Variants in POF1B observed in about 807,000 individuals in gnomAD.
POF1B encodes POF1B actin binding protein.
POF1B carries 53 observed loss-of-function variants against 55.3 expected under a neutral mutation model. That is an observed-to-expected ratio of 0.96 (90% CI 0.77 to 1.20). The LOEUF (loss-of-function observed/expected upper bound fraction) is 1.20. Among genes scored for constraint, POF1B ranks in the 50% most tolerant of loss-of-function variants. The pLI is 0.00. For synonymous variants in POF1B, 188 were observed against 148.3 expected (o/e 1.27, Z -1.95); for missense variants, 478 against 420.5 (o/e 1.14, Z -1.20).
At chrX:85,370,041 A>G (rs776776909) in intron 2 of POF1B, among the ~76,000 whole-genome samples, 2 of 112,259 alleles carry the variant, frequency 1.8e-5, no homozygotes, top group African/African-American at 6.5e-5. Flanking sequence ...GAAACATAGC[A>G]AATCTTACTA....
intron 9 of POF1B, among the ~76,000 whole-genome samples, chrX:85,308,764 G>GC (rs1427068856): frequency 1.7e-4 from 19 of 111,091 alleles, no homozygotes; most frequent in Non-Finnish European, 3.6e-4. Context: ...TGCAATCTCT[G>GC]CCCCCTGGGT....
At chrX:85,301,226 A>G (rs912226959) in intron 15 of POF1B, among the ~76,000 whole-genome samples, 1 of 111,829 alleles carries the variant, frequency 8.9e-6, no homozygotes, top group Non-Finnish European at 1.9e-5. Context: ...GTCAAGGGCC[A>G]TAGAAAAAAA....
At chrX:85,360,394 A>G (rs1252152195) in intron 3 of POF1B, among the ~76,000 whole-genome samples, 3 of 105,456 alleles carry the variant, frequency 2.8e-5, no homozygotes, top group Non-Finnish European at 5.8e-5. Context: ...CCCACTTATA[A>G]GTGAGAACAT....
At chrX:85,322,435 A>G (rs189703118) in intron 7 of POF1B, among the ~76,000 whole-genome samples, 154 of 111,821 alleles carry the variant, frequency 1.4e-3, no homozygotes, top group East Asian at 3.4e-3. Flanking sequence ...TCTTATACAA[A>G]AATTAATTCA....
chrX:85,340,619 G>A (rs1933153510), intron 6 of POF1B, among the ~76,000 whole-genome samples: 1 of 111,083 alleles, frequency 9.0e-6, no homozygotes, highest in Admixed American at 9.6e-5. Context: ...GTGGGAAAGG[G>A]TACTGATGTG....
intron 15 of POF1B, among the ~76,000 whole-genome samples, chrX:85,283,882 G>A (rs1931969716): frequency 9.0e-6 from 1 of 111,314 alleles, no homozygotes; most frequent in Non-Finnish European, 1.9e-5. Flanking sequence ...TCAGAAGACA[G>A]AAGAGCAATA....
intron 3 of POF1B, among the ~76,000 whole-genome samples, chrX:85,362,060 T>G (rs1390334885): frequency 9.1e-6 from 1 of 110,023 alleles, no homozygotes; most frequent in Non-Finnish European, 1.9e-5. Context: ...GTTGTCCGTG[T>G]ATAAGAATGT....
chrX:85,314,447 T>C lies in POF1B; in HGVS notation c.942A>G (p.Ile314Met), dbSNP rs774148186. 1 of 1,198,999 alleles carries C rather than the reference T, an allele frequency of 8.3e-7. No homozygotes were observed. Among genetic ancestry groups the C allele is most frequent in the Non-Finnish European group, 1.1e-6 (1 of 889,070 alleles). Residue 314 changes from isoleucine (I) to methionine (M), a missense_variant, in exon 9 of 17, where the codon ATA becomes ATG. By Grantham distance (10) the Ile-to-Met change is conservative (BLOSUM62 1). Transcript: ENST00000262753. The stretch of plus-strand genomic sequence containing the variant: ...CCCAACTCACCTGCAGAATGTAGCG[T>C]ATTTGCTGTTTTGTAAACTCTGATA... ...KGLSEFTKQQ[I>M]RYILQMRGMS...
chrX:85,284,775 G>A (rs1163802683), intron 15 of POF1B, among the ~76,000 whole-genome samples: 1 of 111,831 alleles, frequency 8.9e-6, no homozygotes, highest in African/African-American at 3.3e-5. Flanking sequence ...AACACCAAAA[G>A]CAATGGCAAC....
chrX:85,320,163 G>C (rs1434313852), intron 7 of POF1B, among the ~76,000 whole-genome samples: 1 of 111,107 alleles, frequency 9.0e-6, no homozygotes, highest in Non-Finnish European at 1.9e-5. Flanking sequence ...GCATAAGGGT[G>C]TTTGTAATAG....
intron 16 of POF1B, among the ~76,000 whole-genome samples, chrX:85,281,679 G>A (rs768660389): frequency 3.7e-5 from 4 of 108,525 alleles, no homozygotes; most frequent in African/African-American, 1.0e-4. Context: ...GGATGTTACA[G>A]TCTAGTGAGG....
intron 2 of POF1B, among the ~76,000 whole-genome samples, chrX:85,374,570 A>G (rs1933890147): frequency 8.9e-6 from 1 of 112,523 alleles, no homozygotes; most frequent in Non-Finnish European, 1.9e-5. Flanking sequence ...AATATACAGT[A>G]TAATATTCCA....
At chrX:85,368,629 G>A (rs187754176) in intron 2 of POF1B, among the ~76,000 whole-genome samples, 4 of 111,595 alleles carry the variant, frequency 3.6e-5, no homozygotes, top group East Asian at 2.8e-4. Context: ...TCTTAATTAT[G>A]CTTTGTCTAT....
chrX:85,356,551 G>GA (rs1012898250), intron 4 of POF1B, among the ~76,000 whole-genome samples: 43 of 104,911 alleles, frequency 4.1e-4, no homozygotes, highest in Non-Finnish European at 6.1e-4. Flanking sequence ...ATGTCTTACT[G>GA]AAAAAAAAAA....
At chrX:85,325,378 T>A (rs1212873641) in intron 7 of POF1B, among the ~76,000 whole-genome samples, 1 of 111,880 alleles carries the variant, frequency 8.9e-6, no homozygotes, top group Non-Finnish European at 1.9e-5. Flanking sequence ...TGTTCATCCT[T>A]CTTTATTGTT....
chrX:85,297,307 C>T (rs1370472072), intron 15 of POF1B, among the ~76,000 whole-genome samples: 1 of 112,297 alleles, frequency 8.9e-6, no homozygotes, highest in African/African-American at 3.2e-5. Flanking sequence ...TTTTGAATTG[C>T]CAGAGTTCTA....
Position 85,367,673 on chromosome X carries a change from A to G in POF1B, c.357+19T>C. On this transcript the variant is annotated intron_variant, in intron 3 of 16. Transcript: ENST00000262753. The stretch of plus-strand genomic sequence containing the variant: ...TAAAAAAGAGGAACAAATCTAATGT[A>G]ATTCACAACTTCTTTTACCTGTTCA... 1 of 1,102,815 alleles carries G rather than the reference A, an allele frequency of 9.1e-7. No homozygotes were observed. The highest frequency in any genetic ancestry group is 1.2e-6 in the Non-Finnish European group (1 of 801,087). 90.9% of individuals were successfully genotyped at this position (1,102,815 alleles called of 1,213,427 possible).
intron 3 of POF1B, among the ~76,000 whole-genome samples, chrX:85,363,592 T>C (rs1465386802): frequency 8.9e-6 from 1 of 112,031 alleles, no homozygotes; most frequent in Non-Finnish European, 1.9e-5. Flanking sequence ...CTATTTTTAT[T>C]GTGCTTTGGT....
intron 15 of POF1B, among the ~76,000 whole-genome samples, chrX:85,295,758 A>C (rs914984141): frequency 1.2e-4 from 13 of 112,005 alleles, no homozygotes; most frequent in Non-Finnish European, 2.4e-4. Context: ...GTCAAATTTA[A>C]GCCCGAAATT....
Sources: gnomAD v4.1 joint callset for allele counts (sites outside exome capture counted in the v4.1 genomes callset) on GRCh38, gnomAD v4.1.1 for gene constraint, MANE v1.5 for transcripts, NCBI Gene and HGNC (gene_info 2026-07-23, HGNC 2026-07-21) for gene names.